Variants in RBFOX1 observed in about 807,000 individuals in gnomAD.
RBFOX1 encodes the protein RNA binding fox-1 homolog 1.
In RBFOX1, 8 loss-of-function variants were observed where a neutral mutation model predicts 57.7. The ratio of observed to expected loss-of-function variants is 0.14; its 90% CI spans 0.08 to 0.25. RBFOX1 has a LOEUF of 0.25. RBFOX1 is among the 10% of genes least tolerant of loss of function. RBFOX1 has a pLI of 1.00. For missense variants in RBFOX1, 611 were observed against 548.5 expected (o/e 1.11, Z -1.14); for synonymous variants, 326 against 222.4 (o/e 1.47, Z -4.15).
chr16:5,813,133 G>T (rs192151721), intron 3 of RBFOX1, among the ~76,000 whole-genome samples: 1 of 151,420 alleles, frequency 6.6e-6, no homozygotes, highest in East Asian at 1.9e-4. Context: ...TCAGCCTCCC[G>T]AGTAGCTGGA....
intron 3 of RBFOX1, among the ~76,000 whole-genome samples, chr16:5,705,569 G>GT (rs1420349963): frequency 6.6e-6 from 1 of 152,142 alleles, no homozygotes. Context: ...CACACAATTT[G>GT]TTTTTTGGAC....
At chr16:7,218,390 G>A (rs1415984864) in intron 4 of RBFOX1, among the ~76,000 whole-genome samples, 4 of 152,226 alleles carry the variant, frequency 2.6e-5, no homozygotes, top group South Asian at 2.1e-4. Context: ...AGTTAGAAGT[G>A]GAAAGAGGTG....
Position 6,806,521 on chromosome 16 carries a change from G to C in RBFOX1, c.-16+151871G>C, listed in dbSNP as rs913638316. ...GACCAGTAAATAAAAGCATTTGAATGAGTTCACCATCTTACATGGATAGTC... is the reference window on the plus strand; with the variant it reads ...GACCAGTAAATAAAAGCATTTGAATCAGTTCACCATCTTACATGGATAGTC... On this transcript the variant is annotated intron_variant, in intron 3 of 15. Coordinates refer to ENST00000550418, the MANE Select transcript of RBFOX1 (RefSeq NM_018723.4). 7.3e-4 allele frequency among the ~76,000 whole-genome samples: 111 copies of C among 152,150 alleles called. 1 individual carries two copies. Among genetic ancestry groups the C allele is most frequent in the African/African-American group, 2.6e-3 (109 of 41,532 alleles).
At chr16:6,875,275 C>T (rs370322151) in intron 3 of RBFOX1, among the ~76,000 whole-genome samples, 2 of 152,170 alleles carry the variant, frequency 1.3e-5, no homozygotes, top group South Asian at 2.1e-4. Flanking sequence ...CTTCGGTTGT[C>T]TAAACAATAC....
chr16:6,384,760 A>ATTAATTGTGTGTGGATGT (rs1470837578), intron 2 of RBFOX1, among the ~76,000 whole-genome samples: 1 of 152,212 alleles, frequency 6.6e-6, no homozygotes, highest in Admixed American at 6.5e-5. Context: ...TTAAAGACCA[A>ATTAATTGTGTGTGGATGT]GGCTTCAAGC....
At chr16:6,925,003 C>G (rs1417552544) in intron 3 of RBFOX1, among the ~76,000 whole-genome samples, 1 of 149,230 alleles carries the variant, frequency 6.7e-6, no homozygotes, top group African/African-American at 2.5e-5. Context: ...CATGTCCGTA[C>G]AAAGGACATG....
At chr16:7,053,381 A>G (rs2050773693) in intron 4 of RBFOX1, among the ~76,000 whole-genome samples, 1 of 152,128 alleles carries the variant, frequency 6.6e-6, no homozygotes, top group Non-Finnish European at 1.5e-5. Context: ...GCTTTTCTGA[A>G]CTGTCTTACT....
intron 1 of RBFOX1, among the ~76,000 whole-genome samples, chr16:6,190,352 A>G (rs939092491): frequency 6.6e-6 from 1 of 152,224 alleles, no homozygotes; most frequent in African/African-American, 2.4e-5. Context: ...TTCTGTATAT[A>G]GTATCAACAG....
intron 2 of RBFOX1, among the ~76,000 whole-genome samples, chr16:6,586,538 C>T (rs1375375609): frequency 6.6e-6 from 1 of 152,158 alleles, no homozygotes; most frequent in Non-Finnish European, 1.5e-5. Flanking sequence ...ATTGAAACAT[C>T]TATGTATATA....
chr16:6,211,228 C>CTT (rs990122299), intron 1 of RBFOX1, among the ~76,000 whole-genome samples: 76 of 96,834 alleles, frequency 7.8e-4, no homozygotes, highest in Non-Finnish European at 9.6e-4. Context: ...ATCTAGTTAA[C>CTT]TTTTTTTTTT....
At chr16:5,328,629 C>G (rs749013712) in intron 1 of RBFOX1, among the ~76,000 whole-genome samples, 24 of 152,214 alleles carry the variant, frequency 1.6e-4, no homozygotes, top group Non-Finnish European at 2.6e-4. Context: ...CCATGCCTGT[C>G]TGCACGTGGA....
intron 4 of RBFOX1, among the ~76,000 whole-genome samples, chr16:7,159,514 C>A (rs572919266): frequency 2.6e-5 from 4 of 152,202 alleles, no homozygotes; most frequent in African/African-American, 9.6e-5. Flanking sequence ...AAATCACGCT[C>A]CATGCGCTAG....
chr16:5,279,595 G>T (rs566869947), intron 1 of RBFOX1, among the ~76,000 whole-genome samples: 3 of 152,148 alleles, frequency 2.0e-5, no homozygotes, highest in African/African-American at 7.2e-5. Flanking sequence ...TCCGCCTCTC[G>T]GGTTCAAGCG....
intron 2 of RBFOX1, among the ~76,000 whole-genome samples, chr16:6,562,860 CTTTCTTTCTTTCTTTCTTTCT>C (rs2097198830): frequency 6.1e-5 from 3 of 49,024 alleles, no homozygotes; most frequent in African/African-American, 4.8e-4. Context: ...TTCTTTCTTT[CTTTCTTTCTTTCTTTCTTTCT>C]TTTTTTTTTT....
chr16:7,644,488 A>G (rs1254096825), intron 11 of RBFOX1, among the ~76,000 whole-genome samples: 2 of 152,142 alleles, frequency 1.3e-5, no homozygotes, highest in Non-Finnish European at 2.9e-5. Flanking sequence ...CACTAACTCC[A>G]TCACCCCAGA....
chr16:7,524,579 CT>C (rs1462396143), intron 5 of RBFOX1, among the ~76,000 whole-genome samples: 1 of 152,160 alleles, frequency 6.6e-6, no homozygotes, highest in Non-Finnish European at 1.5e-5. Context: ...CTTCTGCAGT[CT>C]GTTGAAACGG....
At chr16:6,373,280 T>A (rs11077035) in intron 2 of RBFOX1, among the ~76,000 whole-genome samples, 97,774 of 148,164 alleles carry the variant, frequency 0.66, 32,992 homozygotes, top group African/African-American at 0.85. Flanking sequence ...GTGGAAGTAT[T>A]GTCGGATGGG....
intron 4 of RBFOX1, among the ~76,000 whole-genome samples, chr16:7,347,986 C>G (rs968624387): frequency 6.6e-6 from 1 of 152,192 alleles, no homozygotes; most frequent in Non-Finnish European, 1.5e-5. Flanking sequence ...GCAAGGCCCA[C>G]CTTGGTGCCA....
chr16:6,288,511 G>A (rs1255332348), intron 1 of RBFOX1, among the ~76,000 whole-genome samples: 1 of 152,102 alleles, frequency 6.6e-6, no homozygotes, highest in South Asian at 2.1e-4. Flanking sequence ...ACATGATTTT[G>A]TGACAAACCA....
Sources: allele counts gnomAD v4.1 joint callset (sites outside exome capture counted in the v4.1 genomes callset), GRCh38; gene constraint gnomAD v4.1.1; transcripts MANE v1.5; gene names NCBI Gene and HGNC (gene_info 2026-07-23, HGNC 2026-07-21).